CDK14: variants seen among roughly 807,000 people sequenced by gnomAD.
CDK14 encodes cyclin-dependent kinase 14.
In CDK14, 34 loss-of-function variants were observed where a neutral mutation model predicts 60.7. That is an observed-to-expected ratio of 0.56 (90% confidence interval 0.43 to 0.75). The LOEUF (loss-of-function observed/expected upper bound fraction) is 0.75. Among genes scored for constraint, CDK14 ranks in the 30% least tolerant of loss-of-function variants. CDK14 has a pLI of 0.00. For synonymous variants in CDK14, 197 were observed against 203.7 expected (o/e 0.97, Z 0.28); for missense variants, 482 against 564.1 (o/e 0.85, Z 1.47).
intron 10 of CDK14, among the ~76,000 whole-genome samples, chr7:90,988,277 T>A (rs1371535509): frequency 1.3e-5 from 2 of 152,144 alleles, no homozygotes; most frequent in Non-Finnish European, 2.9e-5. Flanking sequence ...TATGCTACAA[T>A]CTGAAATTTC....
intron 4 of CDK14, among the ~76,000 whole-genome samples, chr7:90,768,118 A>G (rs1804640457): frequency 6.6e-6 from 1 of 152,218 alleles, no homozygotes; most frequent in Non-Finnish European, 1.5e-5. Context: ...CTAACTTACC[A>G]TTGACCCTCT....
At chr7:90,856,623 C>G (rs1422922282) in intron 5 of CDK14, among the ~76,000 whole-genome samples, 1 of 152,176 alleles carries the variant, frequency 6.6e-6, no homozygotes, top group Non-Finnish European at 1.5e-5. Context: ...GTTAAACAAG[C>G]AATCCTGTCT....
intron 11 of CDK14, among the ~76,000 whole-genome samples, chr7:91,059,567 C>T (rs1022350585): frequency 6.7e-5 from 10 of 148,968 alleles, no homozygotes; most frequent in African/African-American, 2.6e-4. Flanking sequence ...CCTCTACACA[C>T]TGCTTTGAAT....
At chr7:91,133,078 C>CA (rs1800165983) in intron 14 of CDK14, among the ~76,000 whole-genome samples, 1 of 151,724 alleles carries the variant, frequency 6.6e-6, no homozygotes, top group Non-Finnish European at 1.5e-5. Flanking sequence ...GGGAGAAATG[C>CA]AAAAAATGGA....
intron 10 of CDK14, among the ~76,000 whole-genome samples, chr7:91,031,224 A>G (rs563797604): frequency 9.8e-5 from 15 of 152,316 alleles, no homozygotes; most frequent in South Asian, 4.2e-4. Context: ...ATAGTGGTAA[A>G]GGGACAATAA....
At chr7:90,925,774 T>C (rs1431845030) in intron 8 of CDK14, among the ~76,000 whole-genome samples, 1 of 152,246 alleles carries the variant, frequency 6.6e-6, no homozygotes. Context: ...ATGGTGTTAC[T>C]TTTGAAATCA....
chr7:90,648,417 A>G (rs1800517321), intron 2 of CDK14, among the ~76,000 whole-genome samples: 2 of 152,152 alleles, frequency 1.3e-5, no homozygotes, highest in South Asian at 2.1e-4. Context: ...GAAGTCACAC[A>G]TTGTCATTTC....
chr7:90,857,878 TACCGTGATG>T (rs1790877670), intron 5 of CDK14, among the ~76,000 whole-genome samples: 1 of 151,964 alleles, frequency 6.6e-6, no homozygotes, highest in Non-Finnish European at 1.5e-5. Context: ...GTCTGTCACC[TACCGTGATG>T]TTGGTACATA....
intron 5 of CDK14, among the ~76,000 whole-genome samples, chr7:90,812,459 G>A (rs113517242): frequency 0.013 from 1,955 of 152,142 alleles, 59 homozygotes; most frequent in African/African-American, 0.045. Context: ...ACACACTGGG[G>A]CCTGTTGTGG....
intron 2 of CDK14, chr7:90,666,440 C>G (rs1800981037): frequency 6.6e-6 from 1 of 152,166 alleles, no homozygotes; most frequent in Non-Finnish European, 1.5e-5. Flanking sequence ...TGGATTCACA[C>G]CAGTTTCCCG....
At chr7:90,758,967 A>G (rs1281677355) in intron 4 of CDK14, among the ~76,000 whole-genome samples, 1 of 151,246 alleles carries the variant, frequency 6.6e-6, no homozygotes, top group African/African-American at 2.4e-5. Flanking sequence ...GAGGCACGAG[A>G]GTCACTCAAA....
chr7:90,821,382 C>A (rs1278718869), intron 5 of CDK14, among the ~76,000 whole-genome samples: 6 of 152,176 alleles, frequency 3.9e-5, no homozygotes, highest in Non-Finnish European at 7.3e-5. Context: ...AGGGCCAGGC[C>A]ATTATGCCCG....
intron 2 of CDK14, chr7:90,710,613 T>C (rs1439381489): frequency 7.9e-6 from 7 of 886,920 alleles, no homozygotes; most frequent in Middle Eastern, 1.2e-3. Flanking sequence ...TATGCTTTTA[T>C]GTACAGAAGT....
chr7:90,700,366 A>G (rs1441339141), intron 2 of CDK14, among the ~76,000 whole-genome samples: 1 of 152,160 alleles, frequency 6.6e-6, no homozygotes, highest in Admixed American at 6.5e-5. Flanking sequence ...TGCTAGGATT[A>G]CAGGCGTGAG....
At chr7:90,770,528 A>C (rs866992074) in intron 4 of CDK14, among the ~76,000 whole-genome samples, 1 of 152,234 alleles carries the variant, frequency 6.6e-6, no homozygotes, top group Non-Finnish European at 1.5e-5. Flanking sequence ...TACTTTAAAA[A>C]ATGTAGTAAT....
At chr7:90,934,891 G>A (rs1250625269) in intron 8 of CDK14, among the ~76,000 whole-genome samples, 3 of 152,074 alleles carry the variant, frequency 2.0e-5, no homozygotes, top group African/African-American at 7.2e-5. Flanking sequence ...AGAATTATTC[G>A]GACTGCCAGC....
At chr7:90,732,122 G>A (rs370167385) in intron 3 of CDK14, among the ~76,000 whole-genome samples, 77 of 152,214 alleles carry the variant, frequency 5.1e-4, no homozygotes, top group African/African-American at 1.7e-3. Context: ...CCTTGGTTCC[G>A]TTTATGTGAT....
chr7:90,687,706 C>T (rs1801466468), intron 2 of CDK14, among the ~76,000 whole-genome samples: 2 of 151,970 alleles, frequency 1.3e-5, no homozygotes, highest in Admixed American at 1.3e-4. Context: ...CCTTCTCACC[C>T]CCCAAGAAGG....
At chr7:90,840,571 TGCTAGGG>T (rs1790255650) in intron 5 of CDK14, among the ~76,000 whole-genome samples, 1 of 152,232 alleles carries the variant, frequency 6.6e-6, no homozygotes, top group African/African-American at 2.4e-5. Context: ...TCCCTTCCTT[TGCTAGGG>T]TAGGACTGGT....
Sources: gnomAD v4.1 joint callset for allele counts (sites outside exome capture counted in the v4.1 genomes callset) on GRCh38, gnomAD v4.1.1 for gene constraint, MANE v1.5 for transcripts, NCBI Gene and HGNC (gene_info 2026-07-23, HGNC 2026-07-21) for gene names.